Variants in MBNL2 observed in about 807,000 individuals in gnomAD.
MBNL2 encodes the protein muscleblind like splicing regulator 2.
MBNL2 carries 17 observed loss-of-function variants against 41.9 expected under a neutral mutation model. The observed-to-expected ratio is 0.41, with a 90% confidence interval of 0.28 to 0.61. MBNL2 has a LOEUF of 0.61. Ranked by LOEUF, MBNL2 falls within the 20% of genes least tolerant of loss-of-function variation. MBNL2 has a pLI of 0.35. For synonymous variants in MBNL2, 195 were observed against 182.9 expected, an observed-to-expected ratio of 1.07 and a Z score of -0.53; for missense variants, 336 against 505.6, an observed-to-expected ratio of 0.66 and a Z score of 3.22.
chr13:97,305,914 A>G (rs2058081652), intron 2 of MBNL2, among the ~76,000 whole-genome samples: 1 of 152,178 alleles, frequency 6.6e-6, no homozygotes, highest in African/African-American at 2.4e-5. Context: ...CGGAACAGGG[A>G]GGAAGGGGAA....
intron 1 of MBNL2, among the ~76,000 whole-genome samples, chr13:97,267,277 T>C (rs1039025906): frequency 1.3e-5 from 2 of 152,184 alleles, no homozygotes; most frequent in Admixed American, 6.5e-5. Context: ...AGTTCTTTTA[T>C]ACAGTCAAAA....
intron 3 of MBNL2, among the ~76,000 whole-genome samples, chr13:97,340,286 C>A (rs1342845263): frequency 6.6e-6 from 1 of 152,218 alleles, no homozygotes; most frequent in Non-Finnish European, 1.5e-5. Context: ...AGGAACATAT[C>A]CAACTGCGTC....
chr13:97,200,103 G>A, the MBNL2 span, among the ~76,000 whole-genome samples: 1 of 152,248 alleles, frequency 6.6e-6, no homozygotes, highest in Non-Finnish European at 1.5e-5. Context: ...ACAAATGGGA[G>A]CCTGCATCTT....
intron 1 of MBNL2, among the ~76,000 whole-genome samples, chr13:97,236,263 G>A (rs2043255412): frequency 6.6e-6 from 1 of 152,168 alleles, no homozygotes; most frequent in East Asian, 1.9e-4. Flanking sequence ...TGAAGTGACA[G>A]TTGCTGCAAG....
the MBNL2 span, among the ~76,000 whole-genome samples, chr13:97,203,914 A>G: frequency 6.6e-5 from 10 of 152,126 alleles, no homozygotes; most frequent in Middle Eastern, 3.4e-3. Flanking sequence ...GGATGGATGG[A>G]TGGACGGACG....
intron 1 of MBNL2, among the ~76,000 whole-genome samples, chr13:97,255,438 C>T (rs1305616128): frequency 2.6e-5 from 4 of 152,144 alleles, no homozygotes; most frequent in Admixed American, 2.6e-4. Context: ...TAGCCACTCA[C>T]GTCTGAGTAT....
chr13:97,281,009 T>G (rs1474577207), intron 2 of MBNL2, among the ~76,000 whole-genome samples: 1 of 152,242 alleles, frequency 6.6e-6, no homozygotes, highest in African/African-American at 2.4e-5. Context: ...GTTGATTATC[T>G]GTCTCCCTCC....
intron 1 of MBNL2, among the ~76,000 whole-genome samples, chr13:97,254,828 G>A (rs2047222840): frequency 6.6e-6 from 1 of 152,190 alleles, no homozygotes; most frequent in Admixed American, 6.5e-5. Context: ...CCCAATAGAT[G>A]CTACTTTTCA....
the MBNL2 span, among the ~76,000 whole-genome samples, chr13:97,202,077 T>A: frequency 1.3e-5 from 2 of 152,228 alleles, no homozygotes; most frequent in South Asian, 2.1e-4. Flanking sequence ...GTGATAATGG[T>A]ATTGTGGTTA....
At chr13:97,248,076 A>G (rs2045823783) in intron 1 of MBNL2, among the ~76,000 whole-genome samples, 1 of 152,234 alleles carries the variant, frequency 6.6e-6, no homozygotes, top group South Asian at 2.1e-4. Flanking sequence ...TTATTTGCAT[A>G]GCAATTCACT....
intron 2 of MBNL2, among the ~76,000 whole-genome samples, chr13:97,320,123 C>T (rs1156804408): frequency 6.6e-6 from 1 of 152,106 alleles, no homozygotes; most frequent in Non-Finnish European, 1.5e-5. Context: ...GTGCTCGCTT[C>T]CCAAGGCTGC....
the MBNL2 span, among the ~76,000 whole-genome samples, chr13:97,173,233 A>T: frequency 6.6e-6 from 1 of 152,244 alleles, no homozygotes; most frequent in African/African-American, 2.4e-5. Flanking sequence ...ACTATGAATC[A>T]AAGGTAAGAC....
chr13:97,344,368 T>C (rs941255679), intron 4 of MBNL2, among the ~76,000 whole-genome samples: 2 of 152,244 alleles, frequency 1.3e-5, no homozygotes, highest in Admixed American at 6.5e-5. Flanking sequence ...AGAGCTCCTT[T>C]AATTCCATTA....
At chr13:97,380,742 T>A (rs993875683) in intron 8 of MBNL2, among the ~76,000 whole-genome samples, 1 of 152,124 alleles carries the variant, frequency 6.6e-6, no homozygotes. Flanking sequence ...GGGGGATGGT[T>A]AGTAATAAAG....
chr13:97,164,326 C>T, the MBNL2 span, among the ~76,000 whole-genome samples: 10,159 of 152,212 alleles, frequency 0.067, 537 homozygotes, highest in African/African-American at 0.15. Flanking sequence ...TTTATCAAGG[C>T]ATTAATCAGA....
the MBNL2 span, among the ~76,000 whole-genome samples, chr13:97,165,220 C>G: frequency 6.6e-6 from 1 of 151,880 alleles, no homozygotes; most frequent in Non-Finnish European, 1.5e-5. Context: ...AAAAAAAAAC[C>G]CTTCATTTTC....
In MBNL2 at chr13:97,322,097, A is replaced by G. The variant is rs537907439; in HGVS notation, c.175-12179A>G. Among the ~76,000 whole-genome samples, 7 of 152,330 alleles carry G rather than the reference A, an allele frequency of 4.6e-5. No individual in the cohort carries two copies. The East Asian group carries it at 1.4e-3, about 29-fold the overall frequency. On this transcript the variant is annotated intron_variant, in intron 2 of 8. Transcript: ENST00000679496. ...GTGCAATTCCTTCCCAGTTTCTGGC[A>G]TAGAGCAGATGCTCCAAAACTGTCA...
At chr13:97,148,922 T>A in the MBNL2 span, among the ~76,000 whole-genome samples, 1 of 152,258 alleles carries the variant, frequency 6.6e-6, no homozygotes, top group Admixed American at 6.5e-5. Context: ...CTTGTACACA[T>A]GCATACACAC....
At chr13:97,172,599 GACAGCATGGTTAAATGAGAAT>G in the MBNL2 span, 1 of 152,174 alleles carries the variant, frequency 6.6e-6, no homozygotes, top group Non-Finnish European at 1.5e-5. Flanking sequence ...CATATATGAA[GACAGCATGGTTAAATGAGAAT>G]CTTTTATCAA....
Sources: allele counts gnomAD v4.1 joint callset (sites outside exome capture counted in the v4.1 genomes callset), GRCh38; gene constraint gnomAD v4.1.1; transcripts MANE v1.5; gene names NCBI Gene and HGNC (gene_info 2026-07-23, HGNC 2026-07-21).